Variants in BTF3L4 observed in about 807,000 individuals in gnomAD.
The protein encoded by BTF3L4 is basic transcription factor 3 like 4, also known as transcription factor BTF3 homolog 4.
A neutral mutation model predicts 16.8 loss-of-function variants in BTF3L4; 6 were observed. The ratio of observed to expected loss-of-function variants is 0.36; its 90% confidence interval spans 0.20 to 0.71. The LOEUF (loss-of-function observed/expected upper bound fraction) is 0.71, where lower values mean the gene tolerates loss of function less well. Among genes scored for constraint, BTF3L4 ranks in the 30% least tolerant of loss-of-function variants. The pLI is 0.58. For synonymous variants in BTF3L4, 39 were observed against 59.8 expected (o/e 0.65, Z 1.60); for missense variants, 92 against 186.9 (o/e 0.49, Z 2.96).
Position 52,060,521 on chromosome 1 carries a change from C to A in BTF3L4, c.54+620C>A, listed in dbSNP as rs1404987344. 4 of 1,247,798 alleles carry A rather than the reference C, an allele frequency of 3.2e-6. No individual in the cohort carries two copies. The East Asian group carries it at 1.7e-4, about 54-fold the overall frequency. 77.3% of individuals were successfully genotyped at this position (1,247,798 alleles called of 1,614,324 possible). A position where few individuals can be genotyped will look rare whatever the true frequency, so the allele number is the denominator to read the frequency against. ...GTACTTTTTAAAGCCTAAGGAAGAA[C>A]TAGTTGTGAGCAACTGAAGTCTTTG... On this transcript the variant is annotated intron_variant, in intron 2 of 5. Coordinates refer to ENST00000313334, the MANE Select transcript of BTF3L4 (RefSeq NM_152265.5).
At chr1:52,080,228 CAA>C (rs1328485564) in intron 3 of BTF3L4, among the ~76,000 whole-genome samples, 5 of 152,096 alleles carry the variant, frequency 3.3e-5, no homozygotes, top group African/African-American at 4.8e-5. Context: ...AGGAAGGAAA[CAA>C]GAACAAGTTG....
intron 3 of BTF3L4, among the ~76,000 whole-genome samples, chr1:52,074,363 G>C (rs1253086366): frequency 6.7e-6 from 1 of 150,344 alleles, no homozygotes; most frequent in East Asian, 2.0e-4. Context: ...ACCACAACCA[G>C]CTAATTTTTT....
rs376273303 is a variant in BTF3L4, at chr1:52,075,603, TTATA to T, written c.169-7733_169-7730del. Among the ~76,000 whole-genome samples the T allele has an allele frequency of 4.9e-3, 721 of 147,398 alleles. 13 individuals carry two copies. The South Asian group carries it at 0.054, about 11-fold the overall frequency. On this transcript the variant is annotated intron_variant, in intron 3 of 5. Coordinates refer to ENST00000313334, the MANE Select transcript of BTF3L4 (RefSeq NM_152265.5). ...ATATATTATATATAAATTATAGTAA[TTATA>T]TATTATATGTAAATAAATATTTTAT... is the stretch of plus-strand genomic sequence containing the variant.
At position 52,089,937 on chromosome 1, in the gene BTF3L4, T is replaced by C. The variant is rs1644004648; in HGVS notation, c.*3179T>C. Reference sequence around the variant, plus strand: ...CCATATCTGCGATATGTTTGATTTGTTTCTTTGTTTTAATTCAGTGTTTAA... The same window carrying C: ...CCATATCTGCGATATGTTTGATTTGCTTCTTTGTTTTAATTCAGTGTTTAA... On this transcript the variant is annotated 3_prime_UTR_variant, in exon 6 of 6. Coordinates refer to ENST00000313334, the MANE Select transcript of BTF3L4 (RefSeq NM_152265.5). 6.6e-6 allele frequency: 1 copy of C among 152,194 alleles called. No individual in the cohort carries two copies. The highest frequency in any genetic ancestry group is 2.4e-5 in the African/African-American group (1 of 41,438). The allele number at this position is 152,194 out of a possible 1,614,324, so 9.4% of individuals were successfully genotyped here. A position where few individuals can be genotyped will look rare whatever the true frequency, so the allele number is the denominator to read the frequency against.
intron 3 of BTF3L4, 41 bp from the exon 4 acceptor site, chr1:52,083,299 A>T: frequency 1.3e-6 from 2 of 1,504,224 alleles, no homozygotes; most frequent in Non-Finnish European, 1.9e-6. Flanking sequence ...GTTTTAGTGT[A>T]CCTAGCATGT....
chr1:52,066,430 G>T (rs985085451), intron 3 of BTF3L4, among the ~76,000 whole-genome samples: 1 of 150,132 alleles, frequency 6.7e-6, no homozygotes, highest in Non-Finnish European at 1.5e-5. Context: ...TCAAACTCCT[G>T]ACCTCAAATA....
At chr1:52,065,752 A>G (rs1055553114) in intron 3 of BTF3L4, among the ~76,000 whole-genome samples, 3 of 152,140 alleles carry the variant, frequency 2.0e-5, no homozygotes, top group Non-Finnish European at 4.4e-5. Context: ...AAAATGTATT[A>G]GTCAGCCGGG....
chr1:52,083,196 G>C (rs370518293), intron 3 of BTF3L4, 144 bp from the exon 4 acceptor site: 4 of 648,266 alleles, frequency 6.2e-6, no homozygotes, highest in Admixed American at 2.9e-5. Context: ...CTTTTTCCAC[G>C]AATGTCCGTT....
intron 3 of BTF3L4, among the ~76,000 whole-genome samples, chr1:52,077,690 T>C (rs2124438318): frequency 6.6e-6 from 1 of 152,278 alleles, no homozygotes; most frequent in Non-Finnish European, 1.5e-5. Context: ...GAGTCAAATA[T>C]AATTTTGTGA....
chr1:52,064,365 A>AT (rs545790438), intron 2 of BTF3L4, among the ~76,000 whole-genome samples: 18 of 151,912 alleles, frequency 1.2e-4, no homozygotes, highest in Non-Finnish European at 1.6e-4. Context: ...ATATTTATTG[A>AT]TTTTTTTCCT....
At chr1:52,060,664 G>T (rs1234774457) in intron 2 of BTF3L4, 1 of 1,044,926 alleles carries the variant, frequency 9.6e-7, no homozygotes, top group African/African-American at 1.7e-5. Context: ...GAAGTGGTAG[G>T]TAGGACACTA....
chr1:52,074,191 T>G (rs1424511322), intron 3 of BTF3L4, among the ~76,000 whole-genome samples: 2 of 151,052 alleles, frequency 1.3e-5, no homozygotes, highest in African/African-American at 2.4e-5. Context: ...TTTGGTTTGG[T>G]TTTTTTTGTT....
At chr1:52,080,734 ATGCTGGCCAGAC>A (rs1005945490) in intron 3 of BTF3L4, among the ~76,000 whole-genome samples, 2 of 151,264 alleles carry the variant, frequency 1.3e-5, no homozygotes, top group Non-Finnish European at 2.9e-5. Flanking sequence ...GTGTTTCACC[ATGCTGGCCAGAC>A]TGGTCTCGAA....
chr1:52,080,248 C>T (rs1643905925), intron 3 of BTF3L4, among the ~76,000 whole-genome samples: 1 of 152,036 alleles, frequency 6.6e-6, no homozygotes, highest in African/African-American at 2.4e-5. Flanking sequence ...TTGGGAAACC[C>T]AGGTTAAAGT....
intron 3 of BTF3L4, among the ~76,000 whole-genome samples, chr1:52,072,675 C>T (rs1686819367): frequency 6.6e-6 from 1 of 152,172 alleles, no homozygotes; most frequent in Admixed American, 6.6e-5. Context: ...GGATTTATAG[C>T]TGAATAATAT....
At chr1:52,076,910 G>A (rs1686949117) in intron 3 of BTF3L4, among the ~76,000 whole-genome samples, 1 of 152,168 alleles carries the variant, frequency 6.6e-6, no homozygotes, top group Non-Finnish European at 1.5e-5. Context: ...GGTGACTTGT[G>A]TTTGTAATCC....
At chr1:52,060,368 A>G in intron 2 of BTF3L4, 1 of 822,046 alleles carries the variant, frequency 1.2e-6, no homozygotes, top group Non-Finnish European at 1.7e-6. Flanking sequence ...GATGTTACCT[A>G]CTTGTACAGA....
intron 2 of BTF3L4, 50 bp downstream of exon 2, chr1:52,059,951 A>G: frequency 6.6e-7 from 1 of 1,514,118 alleles, no homozygotes; most frequent in Non-Finnish European, 9.1e-7. Flanking sequence ...ATTACCAGAT[A>G]GTGTTATTAT....
intron 2 of BTF3L4, among the ~76,000 whole-genome samples, chr1:52,060,216 G>C (rs1410678698): frequency 2.0e-5 from 3 of 152,008 alleles, no homozygotes; most frequent in African/African-American, 7.3e-5. Flanking sequence ...CCTACATAAG[G>C]TGTTTAAAGA....
Sources: allele counts gnomAD v4.1 joint callset (sites outside exome capture counted in the v4.1 genomes callset), GRCh38; gene constraint gnomAD v4.1.1; transcripts MANE v1.5; gene names NCBI Gene and HGNC (gene_info 2026-07-23, HGNC 2026-07-21).